The following DYSF variants were observed in gnomAD, a reference collection of about 807,000 sequenced individuals.
DYSF encodes the protein dystrophy-associated fer-1-like 1.
Under a neutral mutation model 274.9 loss-of-function variants are expected in DYSF, and 212 were observed. That is an observed-to-expected ratio of 0.77 (90% confidence interval 0.69 to 0.86). The LOEUF (loss-of-function observed/expected upper bound fraction) is 0.86, where lower values mean the gene tolerates loss of function less well. DYSF is among the 40% of genes least tolerant of loss of function. The probability of loss-of-function intolerance (pLI) is 0.00; values close to 1 mark genes in which losing one functional copy is unlikely to be tolerated. For synonymous variants in DYSF, 1,091 were observed against 1,078.7 expected (o/e 1.01, Z -0.22); for missense variants, 2,666 against 2,783.2 (o/e 0.96, Z 0.95).
chr2:71,509,378 G>GT (rs2085844780), intron 4 of DYSF, among the ~76,000 whole-genome samples: 1 of 151,690 alleles, frequency 6.6e-6, no homozygotes, highest in Non-Finnish European at 1.5e-5. Context: ...GTCCAGGCTG[G>GT]TTTTGAACTC....
chr2:71,596,482 C>T (rs1337378924), intron 32 of DYSF, among the ~76,000 whole-genome samples: 15 of 152,216 alleles, frequency 9.9e-5, no homozygotes, highest in Admixed American at 9.8e-4. Context: ...CCTTTCCTTA[C>T]TGGAACCTGG....
rs1302895435 is a variant in DYSF at position 71,602,938 on chromosome 2, A to G, written c.3957+133A>G. 4 of 1,086,664 alleles carry G rather than the reference A, an allele frequency of 3.7e-6. No individual in the cohort carries two copies. The East Asian group carries it at 1.0e-4, about 27-fold the overall frequency. 67.3% of individuals were successfully genotyped at this position (1,086,664 alleles called of 1,614,324 possible). On this transcript the variant is annotated intron_variant, in intron 36 of 55. Coordinates refer to ENST00000410020, the MANE Select transcript of DYSF (RefSeq NM_001130987.2). ...ATCTGTCACATGGAGACCTGTCTGGATTTTATTCCCCATGCTGTGTGTGGA... is the reference window on the plus strand; with the variant it reads ...ATCTGTCACATGGAGACCTGTCTGGGTTTTATTCCCCATGCTGTGTGTGGA...
chr2:71,568,385 C>A (rs370010928), intron 26 of DYSF, 47 bp downstream of exon 26: 3 of 1,606,780 alleles, frequency 1.9e-6, no homozygotes, highest in African/African-American at 2.7e-5. Flanking sequence ...CCAGGCTGCC[C>A]ACCATGGACT....
chr2:71,622,360 A>T (rs1030789529), intron 41 of DYSF, among the ~76,000 whole-genome samples: 1 of 152,092 alleles, frequency 6.6e-6, no homozygotes, highest in African/African-American at 2.4e-5. Flanking sequence ...TTGTTAATTG[A>T]TTCTGTTTGG....
intron 42 of DYSF, among the ~76,000 whole-genome samples, chr2:71,655,620 A>G (rs953389299): frequency 2.6e-5 from 4 of 152,244 alleles, no homozygotes; most frequent in African/African-American, 9.6e-5. Context: ...TGATGCTCCA[A>G]AGATACACTT....
At chr2:71,567,028 A>G (rs2092150037) in intron 24 of DYSF, among the ~76,000 whole-genome samples, 1 of 152,202 alleles carries the variant, frequency 6.6e-6, no homozygotes, top group Admixed American at 6.5e-5. Context: ...CTCTGAGCTC[A>G]TGACACTAGG....
intron 3 of DYSF, among the ~76,000 whole-genome samples, chr2:71,498,643 T>A (rs1199675994): frequency 1.3e-5 from 2 of 152,250 alleles, no homozygotes; most frequent in Non-Finnish European, 2.9e-5. Flanking sequence ...ACAAAGTTAC[T>A]CTGGTCTCCA....
At chr2:71,622,330 C>T (rs1323436214) in intron 41 of DYSF, among the ~76,000 whole-genome samples, 1 of 151,790 alleles carries the variant, frequency 6.6e-6, no homozygotes, top group Non-Finnish European at 1.5e-5. Flanking sequence ...TTATTAAGGC[C>T]CATTTATTAG....
Position 71,665,171 on chromosome 2 carries a change from G to C in DYSF, c.5184G>C (p.Pro1728=). 1 of 1,613,904 alleles carries C rather than the reference G, an allele frequency of 6.2e-7. No homozygotes were observed. The highest frequency in any genetic ancestry group is 8.5e-7 in the Non-Finnish European group (1 of 1,180,028). The part of the protein sequence containing the change: ...GLPQTYCVSG[P]NQWRDQLRPS... Reference sequence around the variant, plus strand: ...TGTGCTTGCTCCTCAGCTCTGGACCGAACCAGTGGCGGGACCAGCTCCGCC... The same window carrying C: ...TGTGCTTGCTCCTCAGCTCTGGACCCAACCAGTGGCGGGACCAGCTCCGCC... Residue 1728 remains proline (P), a synonymous_variant, in exon 47 of 56, where the codon CCG becomes CCC. Transcript: ENST00000410020.
intron 17 of DYSF, among the ~76,000 whole-genome samples, chr2:71,542,821 T>C (rs983084232): frequency 6.6e-6 from 1 of 152,252 alleles, no homozygotes; most frequent in South Asian, 2.1e-4. Flanking sequence ...TCTCCCCACA[T>C]TTCCTCCCTT....
chr2:71,519,775 G>C (rs1416985350), intron 10 of DYSF, among the ~76,000 whole-genome samples: 1 of 149,086 alleles, frequency 6.7e-6, no homozygotes, highest in Non-Finnish European at 1.5e-5. Flanking sequence ...TTCCCAAGTA[G>C]CTGGAATTAC....
intron 16 of DYSF, among the ~76,000 whole-genome samples, chr2:71,537,717 T>C (rs944360652): frequency 6.6e-6 from 1 of 152,126 alleles, no homozygotes; most frequent in Non-Finnish European, 1.5e-5. Flanking sequence ...TGTGCAGAGA[T>C]TAGGGTACCT....
intron 41 of DYSF, among the ~76,000 whole-genome samples, chr2:71,633,966 A>G (rs868719109): frequency 6.6e-6 from 1 of 152,346 alleles, no homozygotes; most frequent in Middle Eastern, 3.4e-3. Flanking sequence ...TTTGGAACGT[A>G]TCATACTGAT....
chr2:71,599,732 G>T (rs1170722087), intron 33 of DYSF, among the ~76,000 whole-genome samples: 1 of 152,222 alleles, frequency 6.6e-6, no homozygotes, highest in Non-Finnish European at 1.5e-5. Flanking sequence ...AAGGGGAGGG[G>T]CTGGGTTTGG....
At chr2:71,582,106 CAAAAAAAAAAAAA>C (rs1159294834) in intron 30 of DYSF, among the ~76,000 whole-genome samples, 3 of 35,118 alleles carry the variant, frequency 8.5e-5, no homozygotes, top group Admixed American at 8.3e-4. Flanking sequence ...GACTCCGTCT[CAAAAAAAAAAAAA>C]AAAAAAAAAA....
chr2:71,572,385 A>G (rs1413235214), intron 29 of DYSF, among the ~76,000 whole-genome samples: 1 of 152,342 alleles, frequency 6.6e-6, no homozygotes, highest in East Asian at 1.9e-4. Context: ...ACAGATGCTT[A>G]TAGACAGACA....
At chr2:71,597,669 A>G (rs2093438534) in intron 32 of DYSF, among the ~76,000 whole-genome samples, 1 of 152,134 alleles carries the variant, frequency 6.6e-6, no homozygotes, top group Non-Finnish European at 1.5e-5. Flanking sequence ...GGGACAAGGT[A>G]GAGGGAATGA....
At chr2:71,611,649 C>T (rs1309878326) in intron 38 of DYSF, 23 bp downstream of exon 38, 3 of 1,611,068 alleles carry the variant, frequency 1.9e-6, no homozygotes, top group East Asian at 2.2e-5. Context: ...TCCCTACTGT[C>T]CCCTTCCAGA....
At chr2:71,539,460 CAA>C (rs2089713181) in intron 17 of DYSF, among the ~76,000 whole-genome samples, 1 of 152,152 alleles carries the variant, frequency 6.6e-6, no homozygotes, top group Non-Finnish European at 1.5e-5. Context: ...CTGAAGGGCA[CAA>C]AGAGGATAAT....
Sources: allele counts gnomAD v4.1 joint callset (sites outside exome capture counted in the v4.1 genomes callset), GRCh38; gene constraint gnomAD v4.1.1; transcripts MANE v1.5; gene names NCBI Gene and HGNC (gene_info 2026-07-23, HGNC 2026-07-21).